The following ADGRD1 variants were observed in gnomAD, a reference collection of about 807,000 sequenced individuals.
ADGRD1 encodes adhesion G protein-coupled receptor D1, also known as G-protein coupled receptor 133.
Under a neutral mutation model 113.4 loss-of-function variants are expected in ADGRD1, and 77 were observed. That is an observed-to-expected ratio of 0.68 (90% CI 0.57 to 0.82). ADGRD1 has a LOEUF of 0.82. ADGRD1 is among the 40% of genes least tolerant of loss of function. The probability of loss-of-function intolerance (pLI) is 0.00; values close to 1 mark genes in which losing one functional copy is unlikely to be tolerated. For missense variants in ADGRD1, 1,036 were observed against 1,139.1 expected (o/e 0.91, Z 1.30); for synonymous variants, 474 against 475.0 (o/e 1.00, Z 0.03).
intron 4 of ADGRD1, among the ~76,000 whole-genome samples, chr12:130,976,549 C>T (rs534401064): frequency 3.9e-5 from 6 of 152,228 alleles, no homozygotes; most frequent in Admixed American, 3.3e-4. Context: ...TACCACATCC[C>T]GGAATCCGCG....
rs1178930569 is a variant in ADGRD1, at chr12:131,004,023, C to T, written c.1145-163C>T. On this transcript the variant is annotated intron_variant, in intron 10 of 24. Coordinates refer to ENST00000261654, the MANE Select transcript of ADGRD1 (RefSeq NM_198827.5). ...TGCCTGGGCTCTTCATTGCTTTACC[C>T]TTTTTTTTTTTTTTTTTGAGGCCAT... is the stretch of plus-strand genomic sequence containing the variant. Among the ~76,000 whole-genome samples, 730 of 139,012 alleles carry T rather than the reference C, an allele frequency of 5.3e-3. 11 individuals are homozygous for T. Among genetic ancestry groups the T allele is most frequent in the African/African-American group, 0.015 (582 of 37,822 alleles). 91.2% of individuals were successfully genotyped at this position (139,012 alleles called of 152,430 possible).
At chr12:131,085,777 T>C (rs2137220032) in intron 15 of ADGRD1, among the ~76,000 whole-genome samples, 1 of 152,270 alleles carries the variant, frequency 6.6e-6, no homozygotes, top group Non-Finnish European at 1.5e-5. Context: ...TGGCTGGTGT[T>C]GGGCATTTTG....
intron 20 of ADGRD1, among the ~76,000 whole-genome samples, chr12:131,122,610 A>AG (rs1250465821): frequency 1.3e-5 from 2 of 152,128 alleles, no homozygotes; most frequent in South Asian, 2.1e-4. Flanking sequence ...GCCAGTTGGG[A>AG]GGGGCTTTAA....
intron 15 of ADGRD1, among the ~76,000 whole-genome samples, chr12:131,100,442 G>A (rs1950043009): frequency 6.6e-6 from 1 of 152,010 alleles, no homozygotes; most frequent in South Asian, 2.1e-4. Flanking sequence ...GTTGGTTGAT[G>A]ATGGGTTGGT....
intron 15 of ADGRD1, among the ~76,000 whole-genome samples, chr12:131,086,381 C>T (rs991303502): frequency 6.6e-6 from 1 of 152,158 alleles, no homozygotes; most frequent in African/African-American, 2.4e-5. Flanking sequence ...AATGCAGCCT[C>T]CCAGGGGTGC....
chr12:131,068,754 A>C (rs1354022831), intron 13 of ADGRD1, among the ~76,000 whole-genome samples: 3 of 152,246 alleles, frequency 2.0e-5, no homozygotes, highest in Admixed American at 6.5e-5. Flanking sequence ...TTTTGATGGA[A>C]ACCATTTGGC....
chr12:130,981,326 T>C (rs1336357252), intron 4 of ADGRD1: 1 of 152,156 alleles, frequency 6.6e-6, no homozygotes, highest in East Asian at 1.9e-4. Flanking sequence ...AACGTGACAG[T>C]GTATTTATGG....
At chr12:131,132,968 T>C (rs963344594) in intron 21 of ADGRD1, among the ~76,000 whole-genome samples, 1 of 152,174 alleles carries the variant, frequency 6.6e-6, no homozygotes, top group Non-Finnish European at 1.5e-5. Flanking sequence ...TGTAATGAAT[T>C]CCAAACACCA....
intron 21 of ADGRD1, among the ~76,000 whole-genome samples, chr12:131,134,124 A>G (rs1217301280): frequency 6.6e-6 from 1 of 152,240 alleles, no homozygotes; most frequent in African/African-American, 2.4e-5. Context: ...CAGGTTTTAC[A>G]AGTGGGACCC....
chr12:131,066,451 G>C (rs556025960), intron 13 of ADGRD1, among the ~76,000 whole-genome samples: 1 of 152,298 alleles, frequency 6.6e-6, no homozygotes, highest in Non-Finnish European at 1.5e-5. Context: ...GGGATGCCTG[G>C]CTGGGCCATT....
chr12:131,116,971 A>G (rs1405993383), intron 18 of ADGRD1, among the ~76,000 whole-genome samples: 3 of 152,376 alleles, frequency 2.0e-5, no homozygotes, highest in East Asian at 3.9e-4. Context: ...AAGCAGAGCC[A>G]TGTTTCCAGA....
At chr12:131,005,938 G>A (rs35387826) in intron 11 of ADGRD1, 34 bp from the exon 12 acceptor site, 147,775 of 1,572,338 alleles carry the variant, frequency 0.094, 7,592 homozygotes, top group Non-Finnish European at 0.1. Context: ...GGCCTGGAGC[G>A]CTGACAGCGC....
At chr12:130,992,601 G>C in intron 8 of ADGRD1, 2 of 469,638 alleles carry the variant, frequency 4.3e-6, no homozygotes, top group African/African-American at 2.0e-5. Flanking sequence ...ATGGGCACTT[G>C]AGTCTTTGCT....
chr12:131,124,042 T>C (rs1270915732), intron 20 of ADGRD1, among the ~76,000 whole-genome samples: 1 of 152,244 alleles, frequency 6.6e-6, no homozygotes, highest in African/African-American at 2.4e-5. Context: ...TAACTGGCTC[T>C]TGGCAGAAGG....
intron 9 of ADGRD1, 70 bp downstream of exon 9, chr12:131,000,512 C>A: frequency 8.2e-7 from 1 of 1,216,590 alleles, no homozygotes; most frequent in Non-Finnish European, 1.2e-6. Context: ...GAGGCCAAGG[C>A]GGGTGGATCA....
intron 6 of ADGRD1, chr12:130,990,804 A>C (rs1260978640): frequency 6.2e-6 from 3 of 483,338 alleles, no homozygotes; most frequent in African/African-American, 2.0e-5. Flanking sequence ...TACAAATGGA[A>C]AAGTAATGTG....
intron 8 of ADGRD1, among the ~76,000 whole-genome samples, chr12:130,995,587 C>T (rs1780629685): frequency 6.6e-6 from 1 of 152,164 alleles, no homozygotes; most frequent in Non-Finnish European, 1.5e-5. Flanking sequence ...TGCACCGCCT[C>T]CTCTGCAGCC....
chr12:130,972,515 A>G (rs1448029647), intron 4 of ADGRD1, among the ~76,000 whole-genome samples: 1 of 152,174 alleles, frequency 6.6e-6, no homozygotes, highest in Non-Finnish European at 1.5e-5. Context: ...ATTTTGAGCA[A>G]TGGTTATGAG....
chr12:131,034,237 C>T (rs1881135970), intron 13 of ADGRD1, among the ~76,000 whole-genome samples: 1 of 152,238 alleles, frequency 6.6e-6, no homozygotes, highest in Admixed American at 6.5e-5. Context: ...ACTCCGCTCC[C>T]GCCATGCGTC....
Sources: allele counts gnomAD v4.1 joint callset (sites outside exome capture counted in the v4.1 genomes callset), GRCh38; gene constraint gnomAD v4.1.1; transcripts MANE v1.5; gene names NCBI Gene and HGNC (gene_info 2026-07-23, HGNC 2026-07-21).